Variants in CPS1 observed in about 807,000 individuals in gnomAD.
The protein encoded by CPS1 is carbamoyl-phosphate synthase 1.
A neutral mutation model predicts 174.6 loss-of-function variants in CPS1; 109 were observed. That is an observed-to-expected ratio of 0.62 (90% CI 0.53 to 0.73). The LOEUF (loss-of-function observed/expected upper bound fraction) is 0.73, where lower values mean the gene tolerates loss of function less well. Ranked by LOEUF, CPS1 falls within the 30% of genes least tolerant of loss-of-function variation. The probability of loss-of-function intolerance (pLI) is 0.00; values close to 1 mark genes in which losing one functional copy is unlikely to be tolerated. For synonymous variants in CPS1, 637 were observed against 632.0 expected (o/e 1.01, Z -0.12); for missense variants, 1,689 against 1,821.9 (o/e 0.93, Z 1.33).
intron 1 of CPS1, among the ~76,000 whole-genome samples, chr2:210,490,194 C>T (rs1470818717): frequency 3.9e-5 from 6 of 152,140 alleles, no homozygotes; most frequent in East Asian, 1.9e-4. Context: ...TTTAGAAAAA[C>T]GTTCTTGTAG....
chr2:210,582,842 A>G (rs1270464761), intron 6 of CPS1, 133 bp downstream of exon 6: 12 of 731,956 alleles, frequency 1.6e-5, no homozygotes, highest in Non-Finnish European at 2.7e-5. Context: ...GGGATCTCAT[A>G]GCAGCTAAAA....
intron 1 of CPS1, among the ~76,000 whole-genome samples, chr2:210,546,025 G>T (rs1019162230): frequency 4.6e-5 from 7 of 151,934 alleles, no homozygotes; most frequent in African/African-American, 1.4e-4. Context: ...TAGATTTTTA[G>T]TTCTTTTTGT....
Position 210,608,473 on chromosome 2 carries a change from A to T in CPS1, c.2305A>T (p.Met769Leu). Residue 769 changes from methionine (M) to leucine (L), a missense_variant, in exon 19 of 38, where the codon ATG becomes TTG. Met to Leu is a conservative substitution (Grantham distance 15, BLOSUM62 2). Transcript: ENST00000233072. The part of the protein sequence containing the change: ...SACFEPSLDY[M>L]VTKIPRWDLD... ...CTGTTTTGAACCTAGCCTGGATTACATGGTCACCAAGATTCCCCGCTGGGA... is the reference window on the plus strand; with the variant it reads ...CTGTTTTGAACCTAGCCTGGATTACTTGGTCACCAAGATTCCCCGCTGGGA... 6.2e-7 allele frequency: 1 copy of T among 1,612,562 alleles called. No homozygotes were observed. Among genetic ancestry groups the T allele is most frequent in the Non-Finnish European group, 8.5e-7 (1 of 1,178,984 alleles).
At position 210,620,022 on chromosome 2, in the gene CPS1, G is replaced by A. The variant is rs561578155; in HGVS notation, c.2687+3481G>A. 6 of 152,022 alleles carry A rather than the reference G, an allele frequency of 3.9e-5. No individual in the cohort carries two copies. In the South Asian group the frequency reaches 1.0e-3, roughly 26 times the overall value. 9.4% of individuals were successfully genotyped at this position (152,022 alleles called of 1,614,324 possible). A position where few individuals can be genotyped will look rare whatever the true frequency, so the allele number is the denominator to read the frequency against. ...TGGGTGCAACAAATCACCATGGCAC[G>A]TGTATACCTATGTAACAAGCCTGCA... On this transcript the variant is annotated intron_variant, in intron 21 of 37. Coordinates refer to ENST00000233072, the MANE Select transcript of CPS1 (RefSeq NM_001875.5).
At chr2:210,585,744 G>T (rs79497926) in intron 6 of CPS1, among the ~76,000 whole-genome samples, 1,769 of 151,868 alleles carry the variant, frequency 0.012, 34 homozygotes, top group African/African-American at 0.041. Flanking sequence ...AGTTTACATT[G>T]TTTCACTCCT....
At chr2:210,603,022 G>C (rs1382941302) in intron 16 of CPS1, among the ~76,000 whole-genome samples, 1 of 151,908 alleles carries the variant, frequency 6.6e-6, no homozygotes, top group Admixed American at 6.6e-5. Context: ...CTAAATTAGA[G>C]ACTAATGCAG....
At chr2:210,639,452 A>T (rs1489356964) in intron 23 of CPS1, among the ~76,000 whole-genome samples, 3 of 151,234 alleles carry the variant, frequency 2.0e-5, no homozygotes, top group Non-Finnish European at 2.9e-5. Flanking sequence ...CTCTACTAAA[A>T]ATACAAAAAA....
intron 19 of CPS1, 93 bp from the exon 20 acceptor site, chr2:210,612,024 G>GT: frequency 9.4e-7 from 1 of 1,060,790 alleles, no homozygotes; most frequent in South Asian, 1.6e-5. Context: ...GTTCTTATTT[G>GT]TTTTATAAAA....
At chr2:210,581,341 T>C (rs1483549856) in intron 5 of CPS1, among the ~76,000 whole-genome samples, 3 of 152,124 alleles carry the variant, frequency 2.0e-5, no homozygotes, top group Non-Finnish European at 4.4e-5. Flanking sequence ...GAGCCCTCCT[T>C]TTATCATAGG....
Position 210,612,019 on chromosome 2 carries a change from T to C in CPS1, c.2392-98T>C, listed in dbSNP as rs1470229905. 6.0e-6 allele frequency: 7 copies of C among 1,160,624 alleles called. No individual in the cohort carries two copies. The Admixed American group carries it at 1.3e-4, about 22-fold the overall frequency. 71.9% of individuals were successfully genotyped at this position (1,160,624 alleles called of 1,614,324 possible). A position where few individuals can be genotyped will look rare whatever the true frequency, so the allele number is the denominator to read the frequency against. On this transcript the variant is annotated intron_variant, in intron 19 of 37. Coordinates refer to ENST00000233072, the MANE Select transcript of CPS1 (RefSeq NM_001875.5). ...GGCTTTATGATATATTTTTTGTTCT[T>C]ATTTGTTTTATAAAATATATTTTAC...
intron 1 of CPS1, among the ~76,000 whole-genome samples, chr2:210,487,096 G>C (rs938045656): frequency 1.4e-4 from 21 of 151,994 alleles, no homozygotes; most frequent in African/African-American, 5.1e-4. Context: ...TTTATTCCTA[G>C]TTACATTTTT....
chr2:210,565,759 G>T (rs1697281556), intron 1 of CPS1, among the ~76,000 whole-genome samples: 1 of 152,112 alleles, frequency 6.6e-6, no homozygotes, highest in Non-Finnish European at 1.5e-5. Context: ...CAAATAAAGT[G>T]AATGTTCACA....
rs147294932 is a variant in CPS1, at chr2:210,590,107, G to A, written c.713G>A (p.Arg238Gln). ...ATCATTCTTGTGTCTCTTTTCCAGC[G>A]AGGAGCTGAAGTGCACTTAGTTCCC... ...KNNVIRLLVK[R>Q]GAEVHLVPWN... Residue 238 changes from arginine (R) to glutamine (Q), a missense_variant and splice_region_variant, in exon 8 of 38, where the codon CGA becomes CAA. Transcript: ENST00000233072. 6.6e-4 allele frequency: 1,057 copies of A among 1,612,580 alleles called. No homozygotes were observed. The highest frequency in any genetic ancestry group is 8.5e-4 in the Non-Finnish European group (1,004 of 1,178,992).
Position 210,506,275 on chromosome 2 carries a change from G to T in CPS1, c.3+28509G>T, listed in dbSNP as rs1175768022. ...CGCTTCTGATACCCAGGCAAACAGG[G>T]TCAGGAGTGGACCTCCAGCAAACTC... is the stretch of plus-strand genomic sequence containing the variant. On this transcript the variant is annotated intron_variant, in intron 1 of 38. Transcript: ENST00000430249. Among the ~76,000 whole-genome samples the T allele has an allele frequency of 3.3e-5, 5 of 152,146 alleles. No individual in the cohort carries two copies. The East Asian group carries it at 5.8e-4, about 18-fold the overall frequency.
intron 1 of CPS1, among the ~76,000 whole-genome samples, chr2:210,478,046 A>G (rs2105936598): frequency 6.6e-6 from 1 of 152,298 alleles, no homozygotes; most frequent in South Asian, 2.1e-4. Flanking sequence ...CATACTACAA[A>G]TAATATTCTT....
intron 13 of CPS1, 127 bp from the exon 14 acceptor site, chr2:210,599,245 C>G: frequency 3.8e-6 from 3 of 785,304 alleles, no homozygotes; most frequent in Non-Finnish European, 6.6e-6. Flanking sequence ...TTCACTAGTC[C>G]TGTTACGGAT....
At chr2:210,593,229 T>A (rs926322564) in intron 11 of CPS1, 2 of 701,246 alleles carry the variant, frequency 2.9e-6, no homozygotes, top group Non-Finnish European at 4.3e-6. Flanking sequence ...TATTTAGTTC[T>A]GAAATTTACA....
intron 14 of CPS1, among the ~76,000 whole-genome samples, chr2:210,600,289 C>T (rs1168015527): frequency 1.3e-5 from 2 of 151,690 alleles, no homozygotes; most frequent in East Asian, 1.9e-4. Flanking sequence ...AATCTTAAGG[C>T]TCAGTATAAT....
At chr2:210,480,259 G>T (rs1007899553) in intron 1 of CPS1, among the ~76,000 whole-genome samples, 2 of 152,156 alleles carry the variant, frequency 1.3e-5, no homozygotes, top group Admixed American at 1.3e-4. Flanking sequence ...CAGGAAGTGG[G>T]ATTTGTCACT....
Sources: gnomAD v4.1 joint callset for allele counts (sites outside exome capture counted in the v4.1 genomes callset) on GRCh38, gnomAD v4.1.1 for gene constraint, MANE v1.5 for transcripts, NCBI Gene and HGNC (gene_info 2026-07-23, HGNC 2026-07-21) for gene names.